PLCB2: variants seen among roughly 807,000 people sequenced by gnomAD.
PLCB2 encodes the protein phospholipase C beta 2, also known as 1-phosphatidylinositol 4,5-bisphosphate phosphodiesterase beta-2.
Under a neutral mutation model 141.7 loss-of-function variants are expected in PLCB2, and 115 were observed. The observed-to-expected ratio is 0.81, with a 90% CI of 0.70 to 0.95. The LOEUF is 0.95. Ranked by LOEUF, PLCB2 falls within the 40% of genes least tolerant of loss-of-function variation. PLCB2 has a pLI of 0.00. For missense variants in PLCB2, 1,403 were observed against 1,541.1 expected (o/e 0.91, Z 1.50); for synonymous variants, 603 against 595.6 (o/e 1.01, Z -0.18).
At chr15:40,299,101 A>G in intron 8 of PLCB2, 27 bp downstream of exon 8, 3 of 1,589,454 alleles carry the variant, frequency 1.9e-6, no homozygotes, top group Non-Finnish European at 2.6e-6. Context: ...CCCTTTTCCC[A>G]TGACCAGCAC....
Position 40,302,523 on chromosome 15 carries a change from G to A in PLCB2, c.318C>T (p.Asp106=). The change falls in exon 4 of 32, where the codon GAC becomes GAT. Residue 106 remains aspartate, a synonymous_variant. Transcript: ENST00000260402. ...AGTTGTGGAAGGTGAGGTCCACCAT[G>A]TCCGGGCCGGACACCACCGTGAGTG... ...LKTLTVVSGP[D]MVDLTFHNFV... is the part of the protein sequence containing the mutation. The A allele has an allele frequency of 6.2e-7, 1 of 1,614,176 alleles. No individual in the cohort carries two copies. Among genetic ancestry groups the A allele is most frequent in the Non-Finnish European group, 8.5e-7 (1 of 1,180,016 alleles).
rs754868798 is a variant in PLCB2 at position 40,297,377 on chromosome 15, C to T, written c.1323+144G>A. On this transcript the variant is annotated intron_variant, in intron 13 of 31. Transcript: ENST00000260402. The surrounding 1 kb of genome is among the most constrained non-coding windows in gnomAD (Gnocchi z 4.2). ...GAAGCCCAGCCCAGTGCCTGACACA[C>T]GGAAGGTGACAGGATCCCAGACCCG... 47 of 703,212 alleles carry T rather than the reference C, an allele frequency of 6.7e-5. No individual in the cohort carries two copies. The highest frequency in any genetic ancestry group is 8.6e-5 in the Non-Finnish European group (33 of 385,496). 43.6% of individuals were successfully genotyped at this position (703,212 alleles called of 1,614,324 possible). A position where few individuals can be genotyped will look rare whatever the true frequency, so the allele number is the denominator to read the frequency against.
At chr15:40,304,220 G>T in intron 1 of PLCB2, 142 bp from the exon 2 acceptor site, 1 of 629,794 alleles carries the variant, frequency 1.6e-6, no homozygotes, top group South Asian at 1.8e-5. Flanking sequence ...GTTGTCTAGA[G>T]CTAAGCACCA....
At chr15:40,298,014 C>A in intron 11 of PLCB2, 55 bp from the exon 12 acceptor site, 1 of 1,354,228 alleles carries the variant, frequency 7.4e-7, no homozygotes. Flanking sequence ...CTGCCTGTCT[C>A]GTGATAGCAC....
At position 40,288,867 on chromosome 15, in the gene PLCB2, C is replaced by G. The variant is rs1189731632; in HGVS notation, c.3406G>C (p.Ala1136Pro). The G allele has an allele frequency of 2.5e-6, 4 of 1,614,046 alleles. No individual in the cohort carries two copies. In the Admixed American group the frequency reaches 6.7e-5, roughly 27 times the overall value. The change falls in exon 32 of 32, where the codon GCA becomes CCA. Residue 1136 changes from alanine (A) to proline (P), a missense_variant. Physicochemically the swap from Ala to Pro is conservative, Grantham distance 27. Coordinates refer to ENST00000260402, the MANE Select transcript of PLCB2 (RefSeq NM_004573.3). ...GCCCTCACCGACTCCTTCACCTCTG[C>G]CTCCAGACCCTTCATCCTGGCCTCG... ...EYEARMKGLE[A>P]EVKESVRACL...
rs758130092 is a variant in PLCB2, at chr15:40,297,888, G to A, written c.1227C>T (p.Asn409=). The stretch of plus-strand genomic sequence containing the variant: ...GCCTGGATACGCACGAGTCCACATG[G>A]TTCTCAAACGACAGGATGATGGGAT... ...SPYPIILSFE[N]HVDSPRQQAK... is the part of the protein sequence containing the mutation. The change falls in exon 12 of 32, where the codon AAC becomes AAT. Residue 409 remains asparagine, a synonymous_variant. Transcript: ENST00000260402. This position sits in a 1 kb window ranked among gnomAD's most constrained non-coding sequence, Gnocchi z 4.2. 7 of 1,613,076 alleles carry A rather than the reference G, an allele frequency of 4.3e-6. No individual in the cohort carries two copies. Among genetic ancestry groups the A allele is most frequent in the East Asian group, 4.5e-5 (2 of 44,860 alleles).
At chr15:40,290,431 A>G (rs2039825411) in intron 29 of PLCB2, 146 bp downstream of exon 29, 2 of 712,434 alleles carry the variant, frequency 2.8e-6, no homozygotes, top group South Asian at 3.3e-5. Flanking sequence ...GGACACTCTG[A>G]TCAAAGGTGA....
In PLCB2 at chr15:40,288,856, C is replaced by T. The variant is rs779673637; in HGVS notation, c.3417G>A (p.Lys1139=). Residue 1139 remains lysine, a synonymous_variant, in exon 32 of 32, where the codon AAG becomes AAA. Coordinates refer to ENST00000260402, the MANE Select transcript of PLCB2 (RefSeq NM_004573.3). ...ARMKGLEAEV[K]ESVRACLRTC... ...TCCTGAGGCAGGCCCTCACCGACTC[C>T]TTCACCTCTGCCTCCAGACCCTTCA... 1 of 1,614,094 alleles carries T rather than the reference C, an allele frequency of 6.2e-7. No homozygotes were observed. The highest frequency in any genetic ancestry group is 8.5e-7 in the Non-Finnish European group (1 of 1,180,016).
intron 7 of PLCB2, chr15:40,301,443 A>C (rs2040499931): frequency 1.6e-6 from 1 of 631,548 alleles, no homozygotes; most frequent in African/African-American, 1.8e-5. Flanking sequence ...TTAAAAATTA[A>C]TTATTTAACT....
Sources: allele counts gnomAD v4.1 joint callset, GRCh38; gene constraint gnomAD v4.1.1; non-coding constraint Gnocchi (gnomAD v3.1); transcripts MANE v1.5; gene names NCBI Gene and HGNC (gene_info 2026-07-23, HGNC 2026-07-21).